Variants in PARD3B observed in about 807,000 individuals in gnomAD.
The protein encoded by PARD3B is par-3 family cell polarity regulator beta.
In PARD3B, 103 loss-of-function variants were observed where a neutral mutation model predicts 130.2. That is an observed-to-expected ratio of 0.79 (90% confidence interval 0.67 to 0.93). PARD3B has a LOEUF of 0.93. Ranked by LOEUF, PARD3B falls within the 40% of genes least tolerant of loss-of-function variation. The pLI, the probability that PARD3B is intolerant of heterozygous loss-of-function variation, is 0.00. For missense variants in PARD3B, 1,609 were observed against 1,499.2 expected, an observed-to-expected ratio of 1.07 and a Z score of -1.21; for synonymous variants, 583 against 553.2, an observed-to-expected ratio of 1.05 and a Z score of -0.76.
At chr2:205,212,239 G>A (rs1342028910) in intron 15 of PARD3B, among the ~76,000 whole-genome samples, 1 of 152,032 alleles carries the variant, frequency 6.6e-6, no homozygotes, top group Non-Finnish European at 1.5e-5. Flanking sequence ...TGACTTTAAT[G>A]ATAAAAGTCT....
intron 3 of PARD3B, among the ~76,000 whole-genome samples, chr2:205,018,722 CAAAAAAAAAAAAA>C (rs5837948): frequency 1.9e-4 from 8 of 43,152 alleles, no homozygotes; most frequent in Admixed American, 8.2e-4. Context: ...GCAGTATAAG[CAAAAAAAAAAAAA>C]AAAAAAAAAA....
Position 205,382,852 on chromosome 2 carries a change from A to G in PARD3B, c.2631-18161A>G, listed in dbSNP as rs183687604. ...ACTGGGAGCATTTTCAGGATAGCTCATGTTCCATTTTAACTTGTCCATACC... is the reference window on the plus strand; with the variant it reads ...ACTGGGAGCATTTTCAGGATAGCTCGTGTTCCATTTTAACTTGTCCATACC... On this transcript the variant is annotated intron_variant, in intron 18 of 22. Coordinates refer to ENST00000406610, the MANE Select transcript of PARD3B (RefSeq NM_001302769.2). Among the ~76,000 whole-genome samples, 7 of 152,116 alleles carry G rather than the reference A, an allele frequency of 4.6e-5. No homozygotes were observed. The East Asian group carries it at 1.4e-3, about 29-fold the overall frequency.
chr2:205,342,234 A>T (rs910342375), intron 18 of PARD3B, among the ~76,000 whole-genome samples: 2 of 152,192 alleles, frequency 1.3e-5, no homozygotes, highest in African/African-American at 4.8e-5. Context: ...CATTAGGAAG[A>T]TGTAAGTGAA....
intron 5 of PARD3B, among the ~76,000 whole-genome samples, chr2:205,109,980 C>T (rs199898208): frequency 1.3e-5 from 2 of 151,966 alleles, no homozygotes; most frequent in East Asian, 1.9e-4. Flanking sequence ...TAATGTTCTC[C>T]GTGTGCAAAT....
At chr2:204,697,602 A>C (rs1373034177) in intron 2 of PARD3B, among the ~76,000 whole-genome samples, 1 of 152,230 alleles carries the variant, frequency 6.6e-6, no homozygotes, top group South Asian at 2.1e-4. Flanking sequence ...AGAGACTTCT[A>C]AAGGCCAACT....
chr2:204,603,576 T>C, intron 1 of PARD3B, among the ~76,000 whole-genome samples: 1 of 152,096 alleles, frequency 6.6e-6, no homozygotes, highest in East Asian at 1.9e-4. Flanking sequence ...GATCATAACA[T>C]AGGACATTTT....
chr2:204,870,375 T>TA (rs1459273909), intron 2 of PARD3B, among the ~76,000 whole-genome samples: 2 of 152,180 alleles, frequency 1.3e-5, no homozygotes, highest in African/African-American at 4.8e-5. Flanking sequence ...TAAGAGTCCC[T>TA]ATCAAATGCC....
chr2:204,981,661 C>T (rs1484099131), intron 3 of PARD3B, among the ~76,000 whole-genome samples: 1 of 152,158 alleles, frequency 6.6e-6, no homozygotes, highest in East Asian at 1.9e-4. Flanking sequence ...TTTCTATTCT[C>T]ATTTAGTTTA....
chr2:204,723,404 A>G (rs1205817609), intron 2 of PARD3B, among the ~76,000 whole-genome samples: 1 of 152,178 alleles, frequency 6.6e-6, no homozygotes, highest in African/African-American at 2.4e-5. Context: ...TGAGTAAGCT[A>G]AAGACATTCA....
intron 18 of PARD3B, among the ~76,000 whole-genome samples, chr2:205,376,916 G>A (rs1042596087): frequency 1.3e-5 from 2 of 152,052 alleles, no homozygotes; most frequent in Non-Finnish European, 2.9e-5. Context: ...GCCGTGTTTT[G>A]TTTTTTAAAA....
chr2:205,305,055 G>A (rs574046420), intron 18 of PARD3B, among the ~76,000 whole-genome samples: 1 of 152,278 alleles, frequency 6.6e-6, no homozygotes, highest in South Asian at 2.1e-4. Flanking sequence ...CAGAATAGAA[G>A]GGCATTTGAG....
intron 7 of PARD3B, among the ~76,000 whole-genome samples, chr2:205,119,625 G>A (rs974724335): frequency 2.6e-5 from 4 of 151,946 alleles, no homozygotes; most frequent in Admixed American, 6.6e-5. Context: ...CTAAAGGTAC[G>A]AGAAAAATTA....
intron 21 of PARD3B, among the ~76,000 whole-genome samples, chr2:205,515,643 GGTT>G (rs2050765288): frequency 6.6e-6 from 1 of 151,322 alleles, no homozygotes; most frequent in African/African-American, 2.4e-5. Flanking sequence ...TTTTTAATGG[GGTT>G]GTTTTTCTCT....
At chr2:205,378,525 T>C (rs1194237067) in intron 18 of PARD3B, among the ~76,000 whole-genome samples, 3 of 152,156 alleles carry the variant, frequency 2.0e-5, no homozygotes, top group Admixed American at 6.5e-5. Flanking sequence ...AGCTGCGTAC[T>C]GAGGTATTCT....
Position 204,580,019 on chromosome 2 carries a change from T to G in PARD3B, c.120+33900T>G, listed in dbSNP as rs376062776. ...TGATGTGTGTAATTTGACCTACTGT[T>G]CAAAAAGAATTCATTTCCATCCCTT... On this transcript the variant is annotated intron_variant, in intron 1 of 22. Coordinates refer to ENST00000406610, the MANE Select transcript of PARD3B (RefSeq NM_001302769.2). Among the ~76,000 whole-genome samples the G allele has an allele frequency of 1.6e-4, 24 of 152,298 alleles. No individual in the cohort carries two copies. The East Asian group carries it at 2.5e-3, about 16-fold the overall frequency.
chr2:204,652,734 A>G (rs2035521910), intron 1 of PARD3B, among the ~76,000 whole-genome samples: 1 of 145,222 alleles, frequency 6.9e-6, no homozygotes, highest in Non-Finnish European at 1.5e-5. Context: ...TGGGTAATTT[A>G]TGAGCAAAAG....
rs1559052028 is a variant in PARD3B at position 204,678,205 on chromosome 2, T to TG, written c.121-7972dup. ...CACGCAGGTGAGCAGGTGCAGGACC[T>TG]GGGGCAAGTGCCTTTAGGTGCTGGC... is the stretch of plus-strand genomic sequence containing the variant. On this transcript the variant is annotated intron_variant, in intron 1 of 22. Transcript: ENST00000406610. This position sits in a 1 kb window ranked among gnomAD's most constrained non-coding sequence, Gnocchi z 4.2. Among the ~76,000 whole-genome samples, 1 of 152,124 alleles carries TG rather than the reference T, an allele frequency of 6.6e-6. No individual in the cohort carries two copies. Among genetic ancestry groups the TG allele is most frequent in the Admixed American group, 6.6e-5 (1 of 15,256 alleles).
chr2:205,070,909 C>G (rs1373958055), intron 4 of PARD3B, among the ~76,000 whole-genome samples: 2 of 152,010 alleles, frequency 1.3e-5, no homozygotes, highest in Non-Finnish European at 2.9e-5. Context: ...TCTACATTTG[C>G]TCGCACTCTT....
At chr2:204,728,448 G>A (rs1471204067) in intron 2 of PARD3B, among the ~76,000 whole-genome samples, 1 of 152,150 alleles carries the variant, frequency 6.6e-6, no homozygotes, top group African/African-American at 2.4e-5. Context: ...GCTGTGTGGA[G>A]CTTAAGAGAG....
Sources: allele counts gnomAD v4.1 joint callset (sites outside exome capture counted in the v4.1 genomes callset), GRCh38; gene constraint gnomAD v4.1.1; non-coding constraint Gnocchi (gnomAD v3.1); transcripts MANE v1.5; gene names NCBI Gene and HGNC (gene_info 2026-07-23, HGNC 2026-07-21).